Variants in COBLL1 observed in about 807,000 individuals in gnomAD.
COBLL1 encodes cordon-bleu protein-like 1.
A neutral mutation model predicts 94.8 loss-of-function variants in COBLL1; 50 were observed. That is an observed-to-expected ratio of 0.53 (90% CI 0.42 to 0.67). The LOEUF (loss-of-function observed/expected upper bound fraction) is 0.67, where lower values mean the gene tolerates loss of function less well. Among genes scored for constraint, COBLL1 ranks in the 30% least tolerant of loss-of-function variants. The pLI is 0.00. For synonymous variants in COBLL1, 448 were observed against 473.8 expected, an observed-to-expected ratio of 0.95 and a Z score of 0.71; for missense variants, 1,362 against 1,348.7, an observed-to-expected ratio of 1.01 and a Z score of -0.15.
rs1206922169 is a variant in COBLL1 at position 164,841,707 on chromosome 2, T to C, written c.-51+3A>G. 1.3e-5 allele frequency: 6 copies of C among 479,416 alleles called. No individual in the cohort carries two copies. The highest frequency in any genetic ancestry group is 2.2e-5 in the Non-Finnish European group (6 of 272,908). The allele number at this position is 479,416 out of a possible 1,614,324, so 29.7% of individuals were successfully genotyped here. A position where few individuals can be genotyped will look rare whatever the true frequency, so the allele number is the denominator to read the frequency against. ...TCTCTCTTTTCCCACCCAAGGCTCC[T>C]ACGTTCTTTTCCAAAGGAGACAGTA... is the stretch of plus-strand genomic sequence containing the variant. On this transcript the variant is annotated splice_donor_region_variant and intron_variant, in intron 1 of 13. Transcript: ENST00000652658. The surrounding 1 kb of genome is among the most constrained non-coding windows in gnomAD (Gnocchi z 5.5).
chr2:164,695,941 A>G (rs999324429), intron 11 of COBLL1, 105 bp from the exon 12 acceptor site: 20 of 912,878 alleles, frequency 2.2e-5, no homozygotes, highest in Non-Finnish European at 3.0e-5. Flanking sequence ...TGAATTCTAC[A>G]GATAATTTTC....
intron 2 of COBLL1, among the ~76,000 whole-genome samples, chr2:164,818,334 ATG>A (rs1381760188): frequency 1.1e-5 from 1 of 90,036 alleles, no homozygotes; most frequent in African/African-American, 5.6e-5. Flanking sequence ...GTATACATAT[ATG>A]TATATATACA....
intron 5 of COBLL1, among the ~76,000 whole-genome samples, chr2:164,726,147 G>C (rs1025598295): frequency 1.3e-5 from 2 of 152,136 alleles, no homozygotes; most frequent in Non-Finnish European, 2.9e-5. Context: ...ACCTCAAAAT[G>C]AGGCCAGAAA....
At chr2:164,717,234 C>T (rs1415239360) in intron 7 of COBLL1, among the ~76,000 whole-genome samples, 1 of 152,072 alleles carries the variant, frequency 6.6e-6, no homozygotes, top group African/African-American at 2.4e-5. Context: ...GTATCCTGAA[C>T]AATAAAAATT....
chr2:164,806,130 C>T (rs772618288), intron 2 of COBLL1, among the ~76,000 whole-genome samples: 2 of 147,832 alleles, frequency 1.4e-5, no homozygotes, highest in Non-Finnish European at 3.0e-5. Flanking sequence ...GTCTTGTTTA[C>T]AAAAAATAAA....
At chr2:164,669,841 G>A (rs1422455513) in intron 1 of COBLL1, among the ~76,000 whole-genome samples, 1 of 152,138 alleles carries the variant, frequency 6.6e-6, no homozygotes. Context: ...CTGTTGTAAG[G>A]ATTAAATAAG....
intron 13 of COBLL1, among the ~76,000 whole-genome samples, chr2:164,690,048 A>G (rs1683512279): frequency 6.6e-6 from 1 of 152,150 alleles, no homozygotes; most frequent in Non-Finnish European, 1.5e-5. Context: ...ATGACAGTCC[A>G]TTCTTTGAAT....
chr2:164,718,479 G>A (rs959152157), intron 7 of COBLL1, among the ~76,000 whole-genome samples: 1 of 151,906 alleles, frequency 6.6e-6, no homozygotes, highest in African/African-American at 2.4e-5. Context: ...ATGGCCACCT[G>A]AGGAAAAAAA....
At chr2:164,782,973 T>C (rs1431465016) in intron 2 of COBLL1, among the ~76,000 whole-genome samples, 2 of 152,230 alleles carry the variant, frequency 1.3e-5, no homozygotes, top group African/African-American at 4.8e-5. Flanking sequence ...TTTGCTTTGC[T>C]TTCCCATTTT....
At chr2:164,775,854 T>C (rs964942385) in intron 2 of COBLL1, among the ~76,000 whole-genome samples, 5 of 151,726 alleles carry the variant, frequency 3.3e-5, no homozygotes, top group African/African-American at 1.2e-4. Context: ...TACTTGGGGG[T>C]CTTACTACCC....
chr2:164,717,620 C>G (rs1685233193), intron 7 of COBLL1, among the ~76,000 whole-genome samples: 1 of 152,222 alleles, frequency 6.6e-6, no homozygotes, highest in Non-Finnish European at 1.5e-5. Flanking sequence ...GTGGTGAGAT[C>G]ACAGCTCATT....
intron 2 of COBLL1, among the ~76,000 whole-genome samples, chr2:164,818,678 CATAT>C (rs1210397639): frequency 5.4e-5 from 8 of 147,828 alleles, no homozygotes; most frequent in East Asian, 3.9e-4. Flanking sequence ...CATATGTAAA[CATAT>C]ATAGTGTATA....
Position 164,761,653 on chromosome 2 carries a change from AT to A in COBLL1, c.42-17779del, listed in dbSNP as rs1002352873. Among the ~76,000 whole-genome samples, 7 of 152,320 alleles carry A rather than the reference AT, an allele frequency of 4.6e-5. No individual in the cohort carries two copies. In the South Asian group the frequency reaches 1.4e-3, roughly 32 times the overall value. On this transcript the variant is annotated intron_variant, in intron 2 of 13. Transcript: ENST00000652658. ...ATCTATGCTTTTATATGAAATAATT[AT>A]TGTTGGCAAATCATAAACAAAAATA... is the stretch of plus-strand genomic sequence containing the variant.
upstream of COBLL1, chr2:164,842,074 A>C (rs1022482912): frequency 5.2e-6 from 7 of 1,341,678 alleles, no homozygotes; most frequent in Admixed American, 6.1e-5. Context: ...AGCCGGAGAG[A>C]GGAACGGGGC....
At chr2:164,665,898 C>T (rs1040160049) in exon 2 of COBLL1, 7 of 152,094 alleles carry the variant, frequency 4.6e-5, no homozygotes, top group Non-Finnish European at 8.8e-5. Flanking sequence ...ATGCATTATC[C>T]ATCCTAGTGA....
intron 1 of COBLL1, among the ~76,000 whole-genome samples, chr2:164,675,136 TGAG>T (rs1691316150): frequency 6.6e-6 from 1 of 151,490 alleles, no homozygotes; most frequent in Non-Finnish European, 1.5e-5. Context: ...AAAAAAAAAA[TGAG>T]GAGACCAACA....
intron 2 of COBLL1, among the ~76,000 whole-genome samples, chr2:164,807,143 C>T (rs563339850): frequency 6.6e-6 from 1 of 152,006 alleles, no homozygotes; most frequent in African/African-American, 2.4e-5. Context: ...TTTGACCTTC[C>T]CCTAAAAAAT....
At position 164,683,276 on chromosome 2, in the gene COBLL1, A is replaced by C. The variant is rs1204040675; in HGVS notation, c.*2670T>G. 3 of 152,094 alleles carry C rather than the reference A, an allele frequency of 2.0e-5. No homozygotes were observed. The South Asian group carries it at 6.2e-4, about 31-fold the overall frequency. 9.4% of individuals were successfully genotyped at this position (152,094 alleles called of 1,614,324 possible). On this transcript the variant is annotated 3_prime_UTR_variant, in exon 14 of 14. Transcript: ENST00000652658. ...GCAAAATGCCTAGATGCTAAAAATT[A>C]TACATGAAAGTCAAAAGTTGGTTCT...
intron 2 of COBLL1, among the ~76,000 whole-genome samples, chr2:164,748,652 G>C (rs960441564): frequency 2.0e-5 from 3 of 151,962 alleles, no homozygotes; most frequent in Non-Finnish European, 4.4e-5. Context: ...TTTCTTCACC[G>C]GTGGCCTTGT....
Sources: gnomAD v4.1 joint callset for allele counts (sites outside exome capture counted in the v4.1 genomes callset) on GRCh38, gnomAD v4.1.1 for gene constraint, Gnocchi (gnomAD v3.1) non-coding constraint, MANE v1.5 for transcripts, NCBI Gene and HGNC (gene_info 2026-07-23, HGNC 2026-07-21) for gene names.